MELK: variants seen among roughly 807,000 people sequenced by gnomAD.
MELK encodes maternal embryonic leucine zipper kinase.
A neutral mutation model predicts 85.0 loss-of-function variants in MELK; 81 were observed. The ratio of observed to expected loss-of-function variants is 0.95; its 90% CI spans 0.80 to 1.15. The LOEUF (loss-of-function observed/expected upper bound fraction) is 1.15, where lower values mean the gene tolerates loss of function less well. MELK is among the 50% of genes most tolerant of loss of function. The probability of loss-of-function intolerance (pLI) is 0.00; values close to 1 mark genes in which losing one functional copy is unlikely to be tolerated. For missense variants in MELK, 754 were observed against 777.5 expected, an observed-to-expected ratio of 0.97 and a Z score of 0.36; for synonymous variants, 252 against 265.0, an observed-to-expected ratio of 0.95 and a Z score of 0.48.
chr9:36,618,844 G>A (rs894642396), intron 8 of MELK, among the ~76,000 whole-genome samples: 1 of 152,000 alleles, frequency 6.6e-6, no homozygotes, highest in African/African-American at 2.4e-5. Context: ...TACTAGTGCC[G>A]ATCCATGTAC....
chr9:36,640,970 G>C (rs1273835636), intron 10 of MELK, among the ~76,000 whole-genome samples: 1 of 152,224 alleles, frequency 6.6e-6, no homozygotes, highest in Admixed American at 6.5e-5. Flanking sequence ...AACAAGGGAA[G>C]CTCATGATAT....
chr9:36,616,387 C>CTTTTTTTTTTTTTTTTTTTTT lies in MELK; in HGVS notation c.666+8734_666+8735insTTTTTTTTTTTTTTTTTTTTT, dbSNP rs60212848. Among the ~76,000 whole-genome samples the CTTTTTTTTTTTTTTTTTTTTT allele has an allele frequency of 8.7e-5, 10 of 114,622 alleles. 1 individual carries two copies. Among genetic ancestry groups the CTTTTTTTTTTTTTTTTTTTTT allele is most frequent in the South Asian group, 2.7e-4 (1 of 3,646 alleles). 75.2% of individuals were successfully genotyped at this position (114,622 alleles called of 152,430 possible). On this transcript the variant is annotated intron_variant, in intron 8 of 17. Coordinates refer to ENST00000298048, the MANE Select transcript of MELK (RefSeq NM_014791.4). Reference sequence around the variant, plus strand: ...TTAAAGGTATCTAGCATGTCAAACTCTTTTTTTTTTTTTTTTTTTTAAGGC... The same window carrying CTTTTTTTTTTTTTTTTTTTTT: ...TTAAAGGTATCTAGCATGTCAAACTCTTTTTTTTTTTTTTTTTTTTTTTTTTTTTTTTTTTTTTTTTAAGGC...
At chr9:36,642,730 T>C (rs1370541494) in intron 10 of MELK, among the ~76,000 whole-genome samples, 1 of 151,788 alleles carries the variant, frequency 6.6e-6, no homozygotes, top group Non-Finnish European at 1.5e-5. Flanking sequence ...TGCCCGGCAT[T>C]GTACAACCGA....
In MELK at chr9:36,572,901, C is replaced by T. The variant is rs773118106; in HGVS notation, c.-145C>T. ...TTGGCGGGCGGAAGCGGCCACAACC[C>T]GGCGATCGAAAAGATTCTTAGGAAC... On this transcript the variant is annotated 5_prime_UTR_variant, in exon 1 of 18. Coordinates refer to ENST00000298048, the MANE Select transcript of MELK (RefSeq NM_014791.4). The T allele has an allele frequency of 6.6e-6, 1 of 152,152 alleles. No individual in the cohort carries two copies. Among genetic ancestry groups the T allele is most frequent in the African/African-American group, 2.4e-5 (1 of 41,438 alleles). The allele number at this position is 152,152 out of a possible 1,614,324, so 9.4% of individuals were successfully genotyped here.
In MELK at chr9:36,594,757, A is replaced by G. The variant is rs1824003618; in HGVS notation, c.391A>G (p.Arg131Gly). 1.9e-6 allele frequency: 3 copies of G among 1,613,516 alleles called. No individual in the cohort carries two copies. The highest frequency in any genetic ancestry group is 1.7e-5 in the Admixed American group (1 of 59,896). ...TGTGCACAGCCAGGGCTATGCTCAC[A>G]GGGACCTCAAGCCAGTAAGTGACTG... ...AYVHSQGYAH[R>G]DLKPENLLFD... Residue 131 changes from arginine to glycine, a missense_variant, in exon 5 of 18, where the codon AGG becomes GGG. Arg to Gly is a moderately radical substitution (Grantham distance 125). Coordinates refer to ENST00000298048, the MANE Select transcript of MELK (RefSeq NM_014791.4).
chr9:36,579,128 A>G (rs935174570), intron 1 of MELK, among the ~76,000 whole-genome samples: 2 of 152,116 alleles, frequency 1.3e-5, no homozygotes, highest in Non-Finnish European at 2.9e-5. Context: ...CCTGGGTTCA[A>G]GCAGTTCTCC....
intron 1 of MELK, 58 bp from the exon 2 acceptor site, chr9:36,581,586 A>G: frequency 1.2e-6 from 1 of 850,508 alleles, no homozygotes; most frequent in South Asian, 1.5e-5. Flanking sequence ...AGTTACAAGA[A>G]TGGAGGAGAT....
chr9:36,648,681 T>G (rs1217320285), intron 11 of MELK, among the ~76,000 whole-genome samples: 1 of 152,148 alleles, frequency 6.6e-6, no homozygotes, highest in Non-Finnish European at 1.5e-5. Context: ...GTGGGGAAAA[T>G]ATTGGAAGAT....
chr9:36,586,655 ACTTT>A (rs1448589046), intron 3 of MELK, among the ~76,000 whole-genome samples: 1 of 152,206 alleles, frequency 6.6e-6, no homozygotes, highest in Non-Finnish European at 1.5e-5. Flanking sequence ...AGTATGACTT[ACTTT>A]AACACTTCAA....
intron 1 of MELK, among the ~76,000 whole-genome samples, chr9:36,580,359 G>T (rs1374719577): frequency 1.3e-5 from 2 of 150,836 alleles, no homozygotes; most frequent in Non-Finnish European, 2.9e-5. Flanking sequence ...CACTCTTGTT[G>T]CCCGGGCTGG....
At position 36,660,372 on chromosome 9, in the gene MELK, CAG is replaced by C. The variant is rs1226333595; in HGVS notation, c.1176+3010_1176+3011del. On this transcript the variant is annotated intron_variant, in intron 13 of 17. Transcript: ENST00000298048. ...TCATTCCGTCAACCAGGCTGGAGTC[CAG>C]TGGTGTGATCATGGCTCACTGCAGC... 2.5e-3 allele frequency among the ~76,000 whole-genome samples: 381 copies of C among 152,032 alleles called. 1 individual carries two copies. Among genetic ancestry groups the C allele is most frequent in the African/African-American group, 8.5e-3 (353 of 41,470 alleles).
At chr9:36,661,781 C>G (rs542692483) in intron 13 of MELK, among the ~76,000 whole-genome samples, 84 of 151,916 alleles carry the variant, frequency 5.5e-4, no homozygotes, top group Non-Finnish European at 8.7e-4. Flanking sequence ...CTAAAAAATA[C>G]AAAAAATTAG....
intron 2 of MELK, among the ~76,000 whole-genome samples, chr9:36,583,194 C>T (rs556001929): frequency 2.6e-5 from 4 of 152,018 alleles, no homozygotes; most frequent in African/African-American, 7.2e-5. Context: ...AGGATGGTCT[C>T]GATCTCCTGA....
intron 11 of MELK, among the ~76,000 whole-genome samples, chr9:36,645,842 A>G (rs1196749386): frequency 6.6e-6 from 1 of 152,204 alleles, no homozygotes; most frequent in Admixed American, 6.5e-5. Context: ...CAGCAGCAGC[A>G]GCATCCAGGT....
chr9:36,658,637 T>C (rs1831487452), intron 13 of MELK, among the ~76,000 whole-genome samples: 1 of 152,160 alleles, frequency 6.6e-6, no homozygotes, highest in African/African-American at 2.4e-5. Flanking sequence ...CTGGACTTCT[T>C]CAAGGACAAT....
chr9:36,654,958 G>C (rs1302205434), intron 12 of MELK, among the ~76,000 whole-genome samples: 2 of 152,114 alleles, frequency 1.3e-5, no homozygotes, highest in Non-Finnish European at 2.9e-5. Flanking sequence ...CCCCTTGATA[G>C]AATTATCCCT....
chr9:36,665,666 C>T (rs1046955425), intron 14 of MELK, 85 bp downstream of exon 14: 5 of 977,238 alleles, frequency 5.1e-6, no homozygotes, highest in African/African-American at 5.0e-5. Flanking sequence ...AAATGACTAG[C>T]ATTGCTTTCA....
intron 16 of MELK, among the ~76,000 whole-genome samples, chr9:36,671,479 G>C (rs1282556391): frequency 3.3e-5 from 5 of 152,142 alleles, no homozygotes; most frequent in African/African-American, 1.2e-4. Flanking sequence ...GCCTTAAGGA[G>C]GGGGACTTGA....
At chr9:36,648,463 A>G (rs1182406952) in intron 11 of MELK, among the ~76,000 whole-genome samples, 3 of 152,132 alleles carry the variant, frequency 2.0e-5, no homozygotes, top group African/African-American at 4.8e-5. Context: ...CCTGTGCTGC[A>G]TAACAGCCTC....
Sources: allele counts gnomAD v4.1 joint callset (sites outside exome capture counted in the v4.1 genomes callset), GRCh38; gene constraint gnomAD v4.1.1; transcripts MANE v1.5; gene names NCBI Gene and HGNC (gene_info 2026-07-23, HGNC 2026-07-21).